Variants in ELN observed in about 807,000 individuals in gnomAD.
The protein encoded by ELN is tropoelastin.
ELN carries 65 observed loss-of-function variants against 105.8 expected under a neutral mutation model. That is an observed-to-expected ratio of 0.61 (90% confidence interval 0.50 to 0.75). ELN has a LOEUF of 0.75. ELN is among the 30% of genes least tolerant of loss of function. The pLI, the probability that ELN is intolerant of heterozygous loss-of-function variation, is 0.00. For synonymous variants in ELN, 368 were observed against 389.2 expected (o/e 0.95, Z 0.64); for missense variants, 882 against 969.4 (o/e 0.91, Z 1.20).
At chr7:74,056,504 CA>C in intron 20 of ELN, 69 bp downstream of exon 20, 3 of 1,610,132 alleles carry the variant, frequency 1.9e-6, no homozygotes, top group Non-Finnish European at 2.5e-6. Context: ...CTCGGCTCTG[CA>C]GGGGCAGTGG....
chr7:74,056,616 C>T (rs926372990), intron 20 of ELN, 56 bp from the exon 21 acceptor site: 101 of 1,612,558 alleles, frequency 6.3e-5, no homozygotes, highest in Non-Finnish European at 7.8e-5. Context: ...AAACACGGCT[C>T]GGAGGAGACC....
At chr7:74,040,581 A>G (rs1332363975) in intron 4 of ELN, among the ~76,000 whole-genome samples, 1 of 152,212 alleles carries the variant, frequency 6.6e-6, no homozygotes, top group Non-Finnish European at 1.5e-5. Flanking sequence ...TCACATAATT[A>G]GAAACAAACC....
At chr7:74,048,654 A>G in intron 15 of ELN, 98 bp downstream of exon 15, 1 of 1,428,732 alleles carries the variant, frequency 7.0e-7, no homozygotes, top group Non-Finnish European at 9.7e-7. Flanking sequence ...GCCCCTACAT[A>G]CCCCCATTTA....
At chr7:74,065,859 A>G in intron 30 of ELN, 85 bp from the exon 31 acceptor site, 7 of 1,612,466 alleles carry the variant, frequency 4.3e-6, no homozygotes, top group Non-Finnish European at 5.9e-6. Context: ...TGTCTGGGAC[A>G]TTCCTTAACC....
Position 74,060,185 on chromosome 7 carries a change from G to C in ELN, c.1621+1G>C, listed in dbSNP as rs782279081. ...AAGGTGGCTGCCAAAGCCCAGCTCC[G>C]TGAGTGCCTCGCCCACCTTTCTCTC... On this transcript the variant is annotated splice_donor_variant, in intron 24 of 32. Transcript: ENST00000252034. LOFTEE classifies it high-confidence loss of function. 1.2e-6 allele frequency: 2 copies of C among 1,614,050 alleles called. No homozygotes were observed. Among genetic ancestry groups the C allele is most frequent in the Admixed American group, 3.3e-5 (2 of 60,010 alleles).
In ELN at chr7:74,066,775, A is replaced by G; in HGVS notation, c.2130A>G (p.Pro710=). The stretch of plus-strand genomic sequence containing the variant: ...GCTTCGGATTGTCTCCCATTTTCCC[A>G]GGTATGCCAGGCTCCCTGCCCCTGG... ...RPGFGLSPIF[P]GGACLGKACG... The change falls in exon 32 of 33, where the codon CCA becomes CCG. Residue 710 remains proline, a splice_region_variant and synonymous_variant. Transcript: ENST00000252034. The G allele has an allele frequency of 3.7e-6, 6 of 1,613,072 alleles. No homozygotes were observed. Among genetic ancestry groups the G allele is most frequent in the Non-Finnish European group, 5.1e-6 (6 of 1,179,388 alleles).
chr7:74,048,327 C>T, intron 14 of ELN, 126 bp downstream of exon 14: 2 of 1,519,542 alleles, frequency 1.3e-6, no homozygotes, highest in Non-Finnish European at 1.8e-6. Context: ...CTGGTCCAAA[C>T]CTGGAGCAGG....
At chr7:74,065,168 G>A (rs781923552) in intron 29 of ELN, among the ~76,000 whole-genome samples, 15 of 152,086 alleles carry the variant, frequency 9.9e-5, no homozygotes, top group South Asian at 2.1e-4. Context: ...AAGATCACTT[G>A]AACCCGGGAG....
At chr7:74,044,276 C>T (rs1206399330) in intron 9 of ELN, among the ~76,000 whole-genome samples, 2 of 151,958 alleles carry the variant, frequency 1.3e-5, no homozygotes, top group Non-Finnish European at 2.9e-5. Context: ...AGAAAAGCAG[C>T]CCCCTCAGCC....
Position 74,057,660 on chromosome 7 carries a change from G to A in ELN, c.1378G>A (p.Ala460Thr). 1 of 1,613,848 alleles carries A rather than the reference G, an allele frequency of 6.2e-7. No individual in the cohort carries two copies. Among genetic ancestry groups the A allele is most frequent in the South Asian group, 1.1e-5 (1 of 91,062 alleles). ...TCCAGGAGTGGGGACCCCAGCAGCT[G>A]CAGCTGCTAAAGCAGCCGCCAAAGC... is the stretch of plus-strand genomic sequence containing the variant. ...AKYGVGTPAA[A>T]AAKAAAKAAQ... Residue 460 changes from alanine to threonine, a missense_variant, in exon 22 of 33, where the codon GCA (alanine) becomes ACA (threonine). Ala to Thr is a moderately conservative substitution (Grantham distance 58). Transcript: ENST00000252034.
chr7:74,052,850 G>GGAGGGAGAGAGAAAGAAAGAAAGAGA, intron 17 of ELN: 1 of 384,168 alleles, frequency 2.6e-6, no homozygotes, highest in Non-Finnish European at 4.7e-6. Flanking sequence ...AGAGAGAGAG[G>GGAGGGAGAGAGAAAGAAAGAAAGAGA]GAGGGAGAGA....
rs57966133 is a variant in ELN, at chr7:74,042,793, C to G, written c.325+87C>G. 2.7e-4 allele frequency: 424 copies of G among 1,556,472 alleles called. 1 individual carries two copies. In the African/African-American group the frequency reaches 4.1e-3, roughly 15 times the overall value. ...GCAAAGAACCTTCCCTCAACTCAGG[C>G]TTGGGAGCCGGGTGGGTGGGATTGT... On this transcript the variant is annotated intron_variant, in intron 6 of 32. Transcript: ENST00000252034.
chr7:74,051,889 G>A (rs1477479827), intron 16 of ELN, 35 bp from the exon 17 acceptor site: 3 of 1,614,012 alleles, frequency 1.9e-6, no homozygotes, highest in Admixed American at 3.3e-5. Context: ...ATGGCCACAG[G>A]GCAAGGACCT....
In ELN at chr7:74,065,933, C is replaced by T. The variant is rs1488863857; in HGVS notation, c.2033-11C>T. The T allele has an allele frequency of 3.1e-6, 5 of 1,614,054 alleles. No homozygotes were observed. In the Admixed American group the frequency reaches 5.0e-5, roughly 16 times the overall value. On this transcript the variant is annotated splice_polypyrimidine_tract_variant and intron_variant, in intron 30 of 32. Transcript: ENST00000252034. ...GGGTGTCTTATCCTGACCCCACCTG[C>T]CTCTTCTCAGGTGCTGCTGGCCTTG...
At position 74,053,320 on chromosome 7, in the gene ELN, CTG is replaced by C. The variant is rs10579871; in HGVS notation, c.1096+49_1096+50del. The C allele has an allele frequency of 0.051, 78,532 of 1,549,400 alleles. 228 individuals carry two copies. The highest frequency in any genetic ancestry group is 0.094 in the African/African-American group (6,655 of 70,792). ...GTGCTGCGGTTCCAGGTGAGCTGGG[CTG>C]TGTGTGTGTGTGTGTGTGTGTGTGT... On this transcript the variant is annotated intron_variant, in intron 18 of 32. Coordinates refer to ENST00000252034, the MANE Select transcript of ELN (RefSeq NM_000501.4).
chr7:74,066,608 G>A (rs538721104), intron 31 of ELN, 124 bp from the exon 32 acceptor site: 2 of 758,476 alleles, frequency 2.6e-6, no homozygotes, highest in Admixed American at 2.1e-5. Context: ...ATTATATAGT[G>A]GGGGGGATGG....
rs2131661226 is a variant in ELN at position 74,048,207 on chromosome 7, G to A, written c.745+6G>A. The A allele has an allele frequency of 1.2e-6, 2 of 1,613,996 alleles. No individual in the cohort carries two copies. The highest frequency in any genetic ancestry group is 4.5e-5 in the East Asian group (2 of 44,874). ...TGGTTACCCAACAGGGACAGGTAAGGAAAGCCTCACGTCACTTCCAGCCAA... is the reference window on the plus strand; with the variant it reads ...TGGTTACCCAACAGGGACAGGTAAGAAAAGCCTCACGTCACTTCCAGCCAA... On this transcript the variant is annotated splice_donor_region_variant and intron_variant, in intron 14 of 32. Coordinates refer to ENST00000252034, the MANE Select transcript of ELN (RefSeq NM_000501.4).
chr7:74,043,342 G>T, intron 8 of ELN, 174 bp downstream of exon 8: 1 of 1,004,426 alleles, frequency 1.0e-6, no homozygotes, highest in South Asian at 1.4e-5. Flanking sequence ...GGGAGGAGGG[G>T]CCTGGCCCAC....
Position 74,068,962 on chromosome 7 carries a change from T to C in ELN, c.*262T>C. The C allele has an allele frequency of 1.8e-6, 1 of 541,728 alleles. No individual in the cohort carries two copies. Among genetic ancestry groups the C allele is most frequent in the Non-Finnish European group, 3.3e-6 (1 of 298,856 alleles). 33.6% of individuals were successfully genotyped at this position (541,728 alleles called of 1,614,324 possible). A position where few individuals can be genotyped will look rare whatever the true frequency, so the allele number is the denominator to read the frequency against. The stretch of plus-strand genomic sequence containing the variant: ...ACCCCATCCCTTCCCACCTAGGAGC[T>C]CCCCCTCCACACAGCCTCCATCTCC... On this transcript the variant is annotated 3_prime_UTR_variant, in exon 33 of 33. Coordinates refer to ENST00000252034, the MANE Select transcript of ELN (RefSeq NM_000501.4).
Sources: gnomAD v4.1 joint callset for allele counts (sites outside exome capture counted in the v4.1 genomes callset) on GRCh38, gnomAD v4.1.1 for gene constraint, MANE v1.5 for transcripts, NCBI Gene and HGNC (gene_info 2026-07-23, HGNC 2026-07-21) for gene names.